Variants in PLXNA4 observed in about 807,000 individuals in gnomAD.
PLXNA4 encodes plexin-A4.
Under a neutral mutation model 191.8 loss-of-function variants are expected in PLXNA4, and 44 were observed. That is an observed-to-expected ratio of 0.23 (90% CI 0.18 to 0.29). PLXNA4 has a LOEUF of 0.29. PLXNA4 is among the 10% of genes least tolerant of loss of function. PLXNA4 has a pLI of 1.00. For synonymous variants in PLXNA4, 1,082 were observed against 1,009.5 expected (o/e 1.07, Z -1.36); for missense variants, 1,800 against 2,488.8 (o/e 0.72, Z 5.89).
intron 1 of PLXNA4, among the ~76,000 whole-genome samples, chr7:132,557,476 A>G (rs1800851091): frequency 6.6e-6 from 1 of 152,048 alleles, no homozygotes; most frequent in African/African-American, 2.4e-5. Context: ...AAAGATAGGC[A>G]ATCAATTACC....
chr7:132,421,420 C>T (rs942860491), intron 3 of PLXNA4, among the ~76,000 whole-genome samples: 2 of 152,202 alleles, frequency 1.3e-5, no homozygotes, highest in African/African-American at 2.4e-5. Context: ...ATGGATCTCA[C>T]TCCATCTTCT....
In PLXNA4 at chr7:132,223,530, G is replaced by A. The variant is rs376773119; in HGVS notation, c.2094C>T (p.Pro698=). The A allele has an allele frequency of 5.0e-5, 80 of 1,611,722 alleles. No homozygotes were observed. The highest frequency in any genetic ancestry group is 2.5e-4 in the South Asian group (23 of 90,522). ...CSFQEGRVKL[P]EDCPQLLRVD... is the part of the protein sequence containing the mutation. The stretch of plus-strand genomic sequence containing the variant: ...ACTCTGGCTGCCAGGGACCTACCTC[G>A]GGCAGCTTCACTCGGCCTTCCTGGA... The change falls in exon 9 of 32, where the codon CCC becomes CCT. Residue 698 remains proline, a synonymous_variant. Transcript: ENST00000321063.
chr7:132,627,907 G>T (rs1267320847), intron 2 of PLXNA4, among the ~76,000 whole-genome samples: 5 of 152,182 alleles, frequency 3.3e-5, no homozygotes, highest in African/African-American at 1.2e-4. Flanking sequence ...AATGGACTCA[G>T]ATACTCTCAC....
chr7:132,180,065 G>T (rs1028392897), intron 19 of PLXNA4, 144 bp from the exon 20 acceptor site: 2 of 1,390,666 alleles, frequency 1.4e-6, no homozygotes, highest in Non-Finnish European at 1.9e-6. Context: ...AAGAGGGCAT[G>T]GGGGGCTGGG....
intron 2 of PLXNA4, among the ~76,000 whole-genome samples, chr7:132,643,038 TG>T (rs1563202148): frequency 2.1e-5 from 3 of 144,356 alleles, no homozygotes; most frequent in African/African-American, 7.6e-5. Flanking sequence ...TGGCTGGGGA[TG>T]GGGTGGGAGG....
At chr7:132,184,125 G>C (rs903967956) in intron 16 of PLXNA4, among the ~76,000 whole-genome samples, 2 of 152,188 alleles carry the variant, frequency 1.3e-5, no homozygotes, top group East Asian at 3.8e-4. Flanking sequence ...TCAGCCCGGG[G>C]AGACCACTTC....
intron 3 of PLXNA4, among the ~76,000 whole-genome samples, chr7:132,458,416 G>A (rs1215607243): frequency 1.3e-5 from 2 of 151,806 alleles, no homozygotes; most frequent in Non-Finnish European, 2.9e-5. Flanking sequence ...TTATTCAAAT[G>A]TTCATCAACA....
chr7:132,559,859 C>T (rs1338271277), intron 1 of PLXNA4, among the ~76,000 whole-genome samples: 1 of 152,224 alleles, frequency 6.6e-6, no homozygotes, highest in Non-Finnish European at 1.5e-5. Flanking sequence ...TTGGGTTTTA[C>T]TAAGCCCTAG....
chr7:132,499,198 G>T (rs531499695), intron 2 of PLXNA4, among the ~76,000 whole-genome samples: 2 of 152,234 alleles, frequency 1.3e-5, no homozygotes, highest in South Asian at 4.1e-4. Flanking sequence ...CCTAGGGGTT[G>T]AACCCATGAC....
intron 3 of PLXNA4, among the ~76,000 whole-genome samples, chr7:132,427,125 G>C (rs1795075084): frequency 6.6e-6 from 1 of 152,202 alleles, no homozygotes; most frequent in African/African-American, 2.4e-5. Context: ...AGGGCAACTG[G>C]GTAAGACACT....
At chr7:132,439,750 A>G (rs897736200) in intron 3 of PLXNA4, among the ~76,000 whole-genome samples, 1 of 152,098 alleles carries the variant, frequency 6.6e-6, no homozygotes, top group African/African-American at 2.4e-5. Flanking sequence ...GGTCCTAATT[A>G]TTTCTACTCT....
intron 3 of PLXNA4, among the ~76,000 whole-genome samples, chr7:132,455,672 T>C (rs780903225): frequency 6.6e-6 from 1 of 152,116 alleles, no homozygotes; most frequent in African/African-American, 2.4e-5. Flanking sequence ...GGCTTCGAAA[T>C]TGTGCATCAA....
chr7:132,166,320 G>A (rs1796120974), intron 22 of PLXNA4, among the ~76,000 whole-genome samples: 1 of 149,886 alleles, frequency 6.7e-6, no homozygotes, highest in African/African-American at 2.4e-5. Flanking sequence ...TCATTCTTGA[G>A]TCTAACTTGC....
At chr7:132,343,914 C>CA (rs945542670) in intron 3 of PLXNA4, among the ~76,000 whole-genome samples, 4 of 151,786 alleles carry the variant, frequency 2.6e-5, no homozygotes, top group East Asian at 3.9e-4. Flanking sequence ...GAGGCTGTCT[C>CA]AAAAAAAATA....
chr7:132,268,068 G>A (rs750851856), intron 4 of PLXNA4, among the ~76,000 whole-genome samples: 33 of 152,152 alleles, frequency 2.2e-4, no homozygotes, highest in East Asian at 3.9e-4. Context: ...GCTTTGTCCC[G>A]TAAGCAAGTG....
intron 21 of PLXNA4, among the ~76,000 whole-genome samples, chr7:132,171,020 G>C (rs959636149): frequency 6.6e-6 from 1 of 152,134 alleles, no homozygotes; most frequent in Non-Finnish European, 1.5e-5. Flanking sequence ...CCCACCACTG[G>C]GGGCTGATGA....
At chr7:132,186,892 G>C (rs1323438615) in intron 15 of PLXNA4, among the ~76,000 whole-genome samples, 8 of 152,170 alleles carry the variant, frequency 5.3e-5, no homozygotes, top group Non-Finnish European at 1.2e-4. Context: ...CACAAGATCA[G>C]AAATTATGAC....
In PLXNA4 at chr7:132,378,296, C is replaced by T. The variant is rs190250349; in HGVS notation, c.1372-80074G>A. On this transcript the variant is annotated intron_variant, in intron 3 of 31. Coordinates refer to ENST00000321063, the MANE Select transcript of PLXNA4 (RefSeq NM_020911.2). Reference sequence around the variant, plus strand: ...GATTCTTCCCGTTGAAAACTTAACACGTGCTTTAGAGAAAAGAGTAGGAGT... The same window carrying T: ...GATTCTTCCCGTTGAAAACTTAACATGTGCTTTAGAGAAAAGAGTAGGAGT... Among the ~76,000 whole-genome samples the T allele has an allele frequency of 6.2e-4, 95 of 152,250 alleles. 1 individual carries two copies. Among genetic ancestry groups the T allele is most frequent in the South Asian group, 4.1e-4 (2 of 4,824 alleles).
At chr7:132,417,643 G>A (rs1051943689) in intron 3 of PLXNA4, among the ~76,000 whole-genome samples, 2 of 151,176 alleles carry the variant, frequency 1.3e-5, no homozygotes, top group African/African-American at 4.9e-5. Context: ...ATATGTGTGT[G>A]AGGGAGAGAG....
Sources: allele counts gnomAD v4.1 joint callset (sites outside exome capture counted in the v4.1 genomes callset), GRCh38; gene constraint gnomAD v4.1.1; transcripts MANE v1.5; gene names NCBI Gene and HGNC (gene_info 2026-07-23, HGNC 2026-07-21).